NPSR1: variants seen among roughly 807,000 people sequenced by gnomAD.
NPSR1 encodes the protein neuropeptide S receptor 1.
In NPSR1, 48 loss-of-function variants were observed where a neutral mutation model predicts 46.9. The observed-to-expected ratio is 1.02, with a 90% CI of 0.81 to 1.30. The LOEUF (loss-of-function observed/expected upper bound fraction) is 1.30, where lower values mean the gene tolerates loss of function less well. Ranked by LOEUF, NPSR1 falls within the 50% of genes most tolerant of loss-of-function variation. NPSR1 has a pLI of 0.00. For missense variants in NPSR1, 450 were observed against 449.5 expected (o/e 1.00, Z -0.01); for synonymous variants, 176 against 168.1 (o/e 1.05, Z -0.36).
chr7:34,860,949 G>T (rs1032966917), intron 8 of NPSR1, among the ~76,000 whole-genome samples: 1 of 151,882 alleles, frequency 6.6e-6, no homozygotes, highest in African/African-American at 2.4e-5. Flanking sequence ...GACAGCCGTT[G>T]CTGTAACACT....
At chr7:34,756,044 C>T (rs1207138116) in intron 2 of NPSR1, among the ~76,000 whole-genome samples, 2 of 152,106 alleles carry the variant, frequency 1.3e-5, no homozygotes, top group African/African-American at 4.8e-5. Flanking sequence ...TGTGCATTCA[C>T]CCTCCAATTA....
At chr7:34,875,083 G>A (rs1791544055) in intron 8 of NPSR1, among the ~76,000 whole-genome samples, 1 of 152,050 alleles carries the variant, frequency 6.6e-6, no homozygotes, top group Admixed American at 6.5e-5. Flanking sequence ...CGTCCCTATG[G>A]CATTATCATT....
At chr7:34,835,924 A>T (rs1790346297) in intron 6 of NPSR1, among the ~76,000 whole-genome samples, 1 of 152,112 alleles carries the variant, frequency 6.6e-6, no homozygotes, top group Non-Finnish European at 1.5e-5. Flanking sequence ...TGGGGCATGG[A>T]TTTTATTATT....
intron 4 of NPSR1, among the ~76,000 whole-genome samples, chr7:34,814,064 G>A (rs760499488): frequency 3.9e-5 from 6 of 152,222 alleles, no homozygotes; most frequent in Admixed American, 6.5e-5. Context: ...TGGTTGGACA[G>A]TGGGTGCAGC....
At chr7:34,803,691 C>T (rs1788544503) in intron 3 of NPSR1, among the ~76,000 whole-genome samples, 1 of 148,002 alleles carries the variant, frequency 6.8e-6, no homozygotes, top group South Asian at 2.1e-4. Flanking sequence ...ACATTGTGTA[C>T]ATGTACCCTA....
chr7:34,696,344 A>G (rs1793528515), intron 2 of NPSR1, among the ~76,000 whole-genome samples: 1 of 152,076 alleles, frequency 6.6e-6, no homozygotes, highest in Non-Finnish European at 1.5e-5. Flanking sequence ...AGAGTTGAAA[A>G]GTTACCTATT....
chr7:34,782,195 T>C (rs58471783), intron 3 of NPSR1, among the ~76,000 whole-genome samples: 1,605 of 152,236 alleles, frequency 0.011, 30 homozygotes, highest in African/African-American at 0.037. Context: ...TGAGCACCAA[T>C]GTCATTACCA....
intron 2 of NPSR1, chr7:34,751,980 C>T: frequency 2.1e-6 from 2 of 942,242 alleles, no homozygotes; most frequent in Admixed American, 1.8e-5. Flanking sequence ...AGTCTTTCTA[C>T]TGTCAGAGAT....
chr7:34,810,119 A>G (rs1186036909), intron 3 of NPSR1, among the ~76,000 whole-genome samples: 1 of 152,226 alleles, frequency 6.6e-6, no homozygotes, highest in East Asian at 1.9e-4. Flanking sequence ...TGAGCCAGAG[A>G]AAGAACAAAA....
chr7:34,786,958 C>T (rs1787492962), intron 3 of NPSR1, among the ~76,000 whole-genome samples: 1 of 152,076 alleles, frequency 6.6e-6, no homozygotes, highest in African/African-American at 2.4e-5. Context: ...TTAGAATGAT[C>T]AATGAGCATT....
intron 1 of NPSR1, 98 bp from the exon 2 acceptor site, chr7:34,684,454 T>G: frequency 8.5e-7 from 1 of 1,172,408 alleles, no homozygotes; most frequent in Non-Finnish European, 1.2e-6. Context: ...AGTAGGGATA[T>G]GTGGCTAGGA....
At chr7:34,799,175 T>C (rs948377940) in intron 3 of NPSR1, among the ~76,000 whole-genome samples, 3 of 152,136 alleles carry the variant, frequency 2.0e-5, no homozygotes. Flanking sequence ...AGGTAATGAA[T>C]ATGTTAATTA....
chr7:34,715,820 T>C (rs750743683), intron 2 of NPSR1, among the ~76,000 whole-genome samples: 21 of 152,152 alleles, frequency 1.4e-4, no homozygotes, highest in Non-Finnish European at 2.5e-4. Flanking sequence ...CAGGCTACCA[T>C]ATGGGAGGGC....
At chr7:34,812,433 C>G (rs1232551941) in intron 4 of NPSR1, among the ~76,000 whole-genome samples, 1 of 152,088 alleles carries the variant, frequency 6.6e-6, no homozygotes, top group African/African-American at 2.4e-5. Context: ...CCCACAAAAC[C>G]CCTAGGAGAT....
At chr7:34,791,160 ATATATGTTATATATTATATTATATATGT>A (rs1392306855) in intron 3 of NPSR1, among the ~76,000 whole-genome samples, 1,661 of 102,276 alleles carry the variant, frequency 0.016, 140 homozygotes, top group African/African-American at 0.051. Context: ...GTTATATATT[ATATATGTTATATATTATATTATATATGT>A]TATATGTTAT....
rs571447812 is a variant in NPSR1 at position 34,710,090 on chromosome 7, C to T, written c.280+25406C>T. 1.1e-4 allele frequency among the ~76,000 whole-genome samples: 16 copies of T among 152,338 alleles called. No individual in the cohort carries two copies. The South Asian group carries it at 2.7e-3, about 26-fold the overall frequency. On this transcript the variant is annotated intron_variant, in intron 2 of 8. Coordinates refer to ENST00000360581, the MANE Select transcript of NPSR1 (RefSeq NM_207172.2). Reference sequence around the variant, plus strand: ...CAGTAGCTCTCTAGTCATTCAGGTACTTGTTGACCTTAGGAACTCAAGCCA... The same window carrying T: ...CAGTAGCTCTCTAGTCATTCAGGTATTTGTTGACCTTAGGAACTCAAGCCA...
chr7:34,805,806 C>A (rs1005332034), intron 3 of NPSR1, among the ~76,000 whole-genome samples: 4 of 151,732 alleles, frequency 2.6e-5, no homozygotes, highest in African/African-American at 9.7e-5. Flanking sequence ...GGATTTGTAT[C>A]CAAATATGTA....
chr7:34,752,004 T>C, intron 2 of NPSR1: 2 of 804,840 alleles, frequency 2.5e-6, no homozygotes, highest in South Asian at 1.4e-5. Context: ...GGCGATGGCA[T>C]GGCACACCTG....
chr7:34,845,070 T>G lies in NPSR1; in HGVS notation c.844+88T>G, dbSNP rs542663889. ...TGGGACCTGGTGACAGAAAGGAATT[T>G]GCCAGCAGGCACTTCTACATCGGTC... is the stretch of plus-strand genomic sequence containing the variant. On this transcript the variant is annotated intron_variant, in intron 7 of 8. Transcript: ENST00000360581. 99 of 859,238 alleles carry G rather than the reference T, an allele frequency of 1.2e-4. No homozygotes were observed. In the African/African-American group the frequency reaches 1.5e-3, roughly 13 times the overall value. The allele number at this position is 859,238 out of a possible 1,614,324, so 53.2% of individuals were successfully genotyped here.
Sources: allele counts gnomAD v4.1 joint callset (sites outside exome capture counted in the v4.1 genomes callset), GRCh38; gene constraint gnomAD v4.1.1; transcripts MANE v1.5; gene names NCBI Gene and HGNC (gene_info 2026-07-23, HGNC 2026-07-21).